Variants in RAB11FIP4 observed in about 807,000 individuals in gnomAD.
RAB11FIP4 encodes the protein rab11 family-interacting protein 4.
In RAB11FIP4, 23 loss-of-function variants were observed where a neutral mutation model predicts 74.3. The observed-to-expected ratio is 0.31, with a 90% CI of 0.22 to 0.44. The LOEUF is 0.44. Ranked by LOEUF, RAB11FIP4 falls within the 20% of genes least tolerant of loss-of-function variation. The pLI is 1.00. For missense variants in RAB11FIP4, 630 were observed against 863.9 expected (o/e 0.73, Z 3.39); for synonymous variants, 360 against 359.9 (o/e 1.00, Z 0.00).
chr17:31,467,129 T>TTTTC (rs2071693633), intron 3 of RAB11FIP4, among the ~76,000 whole-genome samples: 1 of 152,160 alleles, frequency 6.6e-6, no homozygotes, highest in Admixed American at 6.6e-5. Context: ...TTTTCTTTTT[T>TTTTC]TGAGATGGAG....
chr17:31,414,661 G>C (rs2071130305), intron 1 of RAB11FIP4, among the ~76,000 whole-genome samples: 1 of 152,190 alleles, frequency 6.6e-6, no homozygotes, highest in African/African-American at 2.4e-5. Context: ...GGTGGCCTGG[G>C]TACCATGTCA....
At chr17:31,424,254 G>A (rs953884255) in intron 1 of RAB11FIP4, among the ~76,000 whole-genome samples, 1 of 152,064 alleles carries the variant, frequency 6.6e-6, no homozygotes, top group South Asian at 2.1e-4. Flanking sequence ...TATGTCTTCT[G>A]TCAGGGTTTT....
chr17:31,510,656 G>A (rs2072435697), intron 3 of RAB11FIP4, among the ~76,000 whole-genome samples: 1 of 152,180 alleles, frequency 6.6e-6, no homozygotes, highest in Non-Finnish European at 1.5e-5. Context: ...GTGGGCAGGA[G>A]AGGACCCTGG....
chr17:31,471,186 C>T (rs151184177), intron 3 of RAB11FIP4, among the ~76,000 whole-genome samples: 1 of 151,796 alleles, frequency 6.6e-6, no homozygotes, highest in African/African-American at 2.4e-5. Flanking sequence ...CCCCAACCTC[C>T]TGTGTACCTG....
intron 3 of RAB11FIP4, among the ~76,000 whole-genome samples, chr17:31,456,046 C>A (rs1197787668): frequency 1.3e-5 from 2 of 152,188 alleles, no homozygotes; most frequent in African/African-American, 4.8e-5. Flanking sequence ...ATTATCTATC[C>A]TAATACCAAG....
Position 31,532,968 on chromosome 17 carries a change from AGAGT to A in RAB11FIP4, c.*1237_*1240del. On this transcript the variant is annotated 3_prime_UTR_variant, in exon 15 of 15. Transcript: ENST00000621161. ...TGGGAATAGACATGGTACTTACCTT[AGAGT>A]TTTCCAATTTATCTCAATTTTATAT... is the stretch of plus-strand genomic sequence containing the variant. The A allele has an allele frequency of 6.6e-6, 1 of 152,340 alleles. No homozygotes were observed. The allele number at this position is 152,340 out of a possible 1,614,324, so 9.4% of individuals were successfully genotyped here.
intron 3 of RAB11FIP4, among the ~76,000 whole-genome samples, chr17:31,459,365 G>C (rs1024592699): frequency 1.3e-5 from 2 of 152,048 alleles, no homozygotes; most frequent in African/African-American, 4.8e-5. Flanking sequence ...TAAAATGGGG[G>C]TAAAATGCCC....
chr17:31,523,658 C>G, intron 8 of RAB11FIP4, 47 bp downstream of exon 8: 1 of 1,529,542 alleles, frequency 6.5e-7, no homozygotes, highest in African/African-American at 1.4e-5. Context: ...TGCCTGCTCC[C>G]AGGGGAGATG....
intron 3 of RAB11FIP4, among the ~76,000 whole-genome samples, chr17:31,459,338 T>C (rs1240890784): frequency 2.6e-5 from 4 of 152,142 alleles, no homozygotes; most frequent in Admixed American, 1.3e-4. Flanking sequence ...CACACTGGTA[T>C]CACTTATTCT....
intron 3 of RAB11FIP4, among the ~76,000 whole-genome samples, chr17:31,492,827 G>T (rs1416145315): frequency 1.3e-5 from 2 of 150,534 alleles, no homozygotes; most frequent in Admixed American, 6.6e-5. Flanking sequence ...CGAGCGTCTT[G>T]GTGCTTCAGG....
intron 8 of RAB11FIP4, 32 bp downstream of exon 8, chr17:31,523,643 A>G: frequency 6.4e-7 from 1 of 1,563,902 alleles, no homozygotes; most frequent in Non-Finnish European, 8.8e-7. Flanking sequence ...AAGGGACTGA[A>G]TGCATGCCTG....
At chr17:31,521,004 T>C (rs1426857480) in intron 4 of RAB11FIP4, 162 bp from the exon 5 acceptor site, 1 of 509,750 alleles carries the variant, frequency 2.0e-6, no homozygotes, top group East Asian at 3.1e-5. Flanking sequence ...TGGTGAGATG[T>C]TTCCCTTTAG....
intron 3 of RAB11FIP4, among the ~76,000 whole-genome samples, chr17:31,459,460 C>A (rs1470773768): frequency 6.6e-6 from 1 of 152,034 alleles, no homozygotes; most frequent in African/African-American, 2.4e-5. Flanking sequence ...ACATCTGACA[C>A]ATCCTCAGTT....
chr17:31,442,145 C>G (rs2142686919), intron 3 of RAB11FIP4, among the ~76,000 whole-genome samples: 1 of 151,928 alleles, frequency 6.6e-6, no homozygotes, highest in Admixed American at 6.6e-5. Flanking sequence ...ACTACAGGTG[C>G]CCGCCACCAC....
At position 31,451,400 on chromosome 17, in the gene RAB11FIP4, A is replaced by C. The variant is rs190459626; in HGVS notation, c.336+17278A>C. Among the ~76,000 whole-genome samples, 530 of 148,192 alleles carry C rather than the reference A, an allele frequency of 3.6e-3. 3 individuals carry two copies. The highest frequency in any genetic ancestry group is 0.012 in the African/African-American group (502 of 40,192). On this transcript the variant is annotated intron_variant, in intron 3 of 14. Transcript: ENST00000621161. Reference sequence around the variant, plus strand: ...CTTAAACCCGGGAGGCGGAGGTTGCAGTGAGCCGAGATGGCGCCACTACAC... The same window carrying C: ...CTTAAACCCGGGAGGCGGAGGTTGCCGTGAGCCGAGATGGCGCCACTACAC...
chr17:31,453,792 CAAAAA>C (rs555119408), intron 3 of RAB11FIP4, among the ~76,000 whole-genome samples: 84 of 62,602 alleles, frequency 1.3e-3, no homozygotes, highest in African/African-American at 4.3e-3. Flanking sequence ...AGACTCGTCT[CAAAAA>C]AAAAAAAAAA....
chr17:31,445,609 G>A (rs1403361357), intron 3 of RAB11FIP4, among the ~76,000 whole-genome samples: 2 of 105,846 alleles, frequency 1.9e-5, no homozygotes, highest in Admixed American at 2.5e-4. Flanking sequence ...TTTTTGACAC[G>A]GAGTCTTGCT....
intron 11 of RAB11FIP4, 127 bp from the exon 12 acceptor site, chr17:31,528,279 C>T (rs1185539436): frequency 9.1e-7 from 1 of 1,098,120 alleles, no homozygotes; most frequent in Non-Finnish European, 1.3e-6. Context: ...AGGGCTCCGT[C>T]TAAGGGAGCT....
chr17:31,436,354 C>T (rs571396549), intron 3 of RAB11FIP4, among the ~76,000 whole-genome samples: 5 of 150,508 alleles, frequency 3.3e-5, no homozygotes, highest in South Asian at 4.2e-4. Flanking sequence ...AGTTTACCCT[C>T]GGATACTGGT....
Sources: allele counts gnomAD v4.1 joint callset (sites outside exome capture counted in the v4.1 genomes callset), GRCh38; gene constraint gnomAD v4.1.1; transcripts MANE v1.5; gene names NCBI Gene and HGNC (gene_info 2026-07-23, HGNC 2026-07-21).